Variants in CAMK2D observed in about 807,000 individuals in gnomAD.
CAMK2D encodes the protein calcium/calmodulin-dependent protein kinase type II subunit delta.
Under a neutral mutation model 84.0 loss-of-function variants are expected in CAMK2D, and 37 were observed. The ratio of observed to expected loss-of-function variants is 0.44; its 90% CI spans 0.34 to 0.58. The LOEUF is 0.58. CAMK2D is among the 20% of genes least tolerant of loss of function. CAMK2D has a pLI of 0.02. For synonymous variants in CAMK2D, 202 were observed against 212.5 expected, an observed-to-expected ratio of 0.95 and a Z score of 0.43; for missense variants, 448 against 652.5, an observed-to-expected ratio of 0.69 and a Z score of 3.41.
intron 2 of CAMK2D, among the ~76,000 whole-genome samples, chr4:113,746,231 T>G (rs1479046658): frequency 6.6e-6 from 1 of 152,224 alleles, no homozygotes; most frequent in East Asian, 1.9e-4. Flanking sequence ...GTTCACTGTA[T>G]ATTTCTAATA....
chr4:113,595,456 G>A (rs1356988538), intron 4 of CAMK2D, among the ~76,000 whole-genome samples: 1 of 151,906 alleles, frequency 6.6e-6, no homozygotes, highest in Non-Finnish European at 1.5e-5. Flanking sequence ...GTGTGTGTGT[G>A]TGTGTGTGTG....
chr4:113,606,686 G>C (rs982530199), intron 4 of CAMK2D, among the ~76,000 whole-genome samples: 1 of 152,050 alleles, frequency 6.6e-6, no homozygotes, highest in Non-Finnish European at 1.5e-5. Flanking sequence ...AAAAGGAAGG[G>C]AGAAAGAAGG....
intron 2 of CAMK2D, among the ~76,000 whole-genome samples, chr4:113,732,120 CTTCT>C (rs2099570475): frequency 6.6e-6 from 1 of 151,592 alleles, no homozygotes; most frequent in Non-Finnish European, 1.5e-5. Flanking sequence ...ATCAGCACTC[CTTCT>C]TTTTTTTTTT....
chr4:113,455,849 C>T (rs751627200), intron 19 of CAMK2D, 28 bp from the exon 20 acceptor site: 11 of 1,376,616 alleles, frequency 8.0e-6, no homozygotes, highest in Middle Eastern at 1.8e-4. Context: ...ATTTAAGCCA[C>T]CTGGCATAAA....
intron 4 of CAMK2D, among the ~76,000 whole-genome samples, chr4:113,601,885 A>T (rs1351771913): frequency 6.6e-6 from 1 of 151,250 alleles, no homozygotes; most frequent in East Asian, 1.9e-4. Flanking sequence ...TTTGTAGACA[A>T]AGAGTCTTGC....
chr4:113,618,682 A>C (rs999247507), intron 3 of CAMK2D, among the ~76,000 whole-genome samples: 1 of 152,156 alleles, frequency 6.6e-6, no homozygotes, highest in Non-Finnish European at 1.5e-5. Context: ...AGCACTTAAA[A>C]TATCAGTTTA....
intron 3 of CAMK2D, among the ~76,000 whole-genome samples, chr4:113,620,511 G>GT (rs745615702): frequency 0.02 from 2,876 of 141,784 alleles, 30 homozygotes; most frequent in African/African-American, 0.031. Flanking sequence ...TTTTACAAGA[G>GT]TTTTTTTTTT....
intron 8 of CAMK2D, 68 bp downstream of exon 8, chr4:113,531,148 T>C: frequency 1.2e-6 from 1 of 807,568 alleles, no homozygotes; most frequent in Non-Finnish European, 2.2e-6. Context: ...TGACAGATTG[T>C]TATAGCAGAC....
intron 2 of CAMK2D, among the ~76,000 whole-genome samples, chr4:113,693,236 C>T (rs2099393470): frequency 6.6e-6 from 1 of 152,010 alleles, no homozygotes. Flanking sequence ...GTTGTCAGAA[C>T]CAACATTTGT....
chr4:113,740,479 G>A (rs747833669), intron 2 of CAMK2D, among the ~76,000 whole-genome samples: 3 of 152,060 alleles, frequency 2.0e-5, no homozygotes, highest in Non-Finnish European at 4.4e-5. Context: ...GGGTTTGAGG[G>A]AGAGGAGGAG....
At chr4:113,628,460 GA>G (rs2099076528) in intron 3 of CAMK2D, among the ~76,000 whole-genome samples, 1 of 152,094 alleles carries the variant, frequency 6.6e-6, no homozygotes, top group African/African-American at 2.4e-5. Flanking sequence ...AGTAAAATCA[GA>G]AGTCTGGGTG....
intron 15 of CAMK2D, among the ~76,000 whole-genome samples, chr4:113,500,896 TA>T (rs917888227): frequency 7.3e-5 from 11 of 150,970 alleles, no homozygotes; most frequent in African/African-American, 2.7e-4. Flanking sequence ...ATACTTAAAA[TA>T]GAAAAAATTT....
chr4:113,563,306 A>G (rs925087915), intron 4 of CAMK2D, among the ~76,000 whole-genome samples: 5 of 152,208 alleles, frequency 3.3e-5, no homozygotes, highest in African/African-American at 1.2e-4. Flanking sequence ...TAATAAACAC[A>G]GTATTTGTAG....
At chr4:113,609,081 G>A (rs1591871914) in intron 4 of CAMK2D, 71 bp downstream of exon 4, 1 of 823,596 alleles carries the variant, frequency 1.2e-6, no homozygotes, top group Non-Finnish European at 2.1e-6. Context: ...ACTGTACAGT[G>A]AGAAAAATCA....
At chr4:113,540,336 A>G (rs1020947487) in intron 6 of CAMK2D, among the ~76,000 whole-genome samples, 1 of 152,214 alleles carries the variant, frequency 6.6e-6, no homozygotes, top group Non-Finnish European at 1.5e-5. Context: ...CTTAGACAGG[A>G]GCACCACTAC....
chr4:113,713,531 T>C (rs1020306804), intron 2 of CAMK2D, among the ~76,000 whole-genome samples: 1 of 148,092 alleles, frequency 6.8e-6, no homozygotes, highest in Non-Finnish European at 1.5e-5. Context: ...CAATATTATA[T>C]ATAGTATTAT....
chr4:113,632,032 G>A (rs2099091794), intron 3 of CAMK2D, among the ~76,000 whole-genome samples: 1 of 152,112 alleles, frequency 6.6e-6, no homozygotes, highest in South Asian at 2.1e-4. Flanking sequence ...ATGTATTTAT[G>A]ATCCTCCCTC....
At chr4:113,638,278 G>A (rs2154292196) in intron 3 of CAMK2D, among the ~76,000 whole-genome samples, 1 of 152,146 alleles carries the variant, frequency 6.6e-6, no homozygotes, top group South Asian at 2.1e-4. Context: ...GTGTGTGTAT[G>A]TGTGTGTGTG....
intron 3 of CAMK2D, among the ~76,000 whole-genome samples, chr4:113,612,097 C>A (rs1189994642): frequency 6.6e-6 from 1 of 152,020 alleles, no homozygotes; most frequent in Non-Finnish European, 1.5e-5. Context: ...ACTATATTAA[C>A]AAAAGTAGAT....
Sources: gnomAD v4.1 joint callset for allele counts (sites outside exome capture counted in the v4.1 genomes callset) on GRCh38, gnomAD v4.1.1 for gene constraint, MANE v1.5 for transcripts, NCBI Gene and HGNC (gene_info 2026-07-23, HGNC 2026-07-21) for gene names.